Variants in FRMD6 observed in about 807,000 individuals in gnomAD.
The protein encoded by FRMD6 is FERM domain containing 6.
Under a neutral mutation model 73.2 loss-of-function variants are expected in FRMD6, and 37 were observed. That is an observed-to-expected ratio of 0.51 (90% CI 0.39 to 0.66). The LOEUF is 0.66. Ranked by LOEUF, FRMD6 falls within the 30% of genes least tolerant of loss-of-function variation. The pLI, the probability that FRMD6 is intolerant of heterozygous loss-of-function variation, is 0.00. For synonymous variants in FRMD6, 273 were observed against 282.2 expected, an observed-to-expected ratio of 0.97 and a Z score of 0.33; for missense variants, 714 against 780.5, an observed-to-expected ratio of 0.91 and a Z score of 1.02.
intron 2 of FRMD6, among the ~76,000 whole-genome samples, chr14:51,612,014 G>A (rs12883048): frequency 1.3e-5 from 2 of 152,066 alleles, no homozygotes; most frequent in African/African-American, 4.8e-5. Context: ...TATATCAAAT[G>A]TTAATAATAA....
chr14:51,602,688 A>G (rs1477460204), intron 2 of FRMD6, among the ~76,000 whole-genome samples: 1 of 152,226 alleles, frequency 6.6e-6, no homozygotes, highest in Admixed American at 6.5e-5. Flanking sequence ...CCTTTACAAG[A>G]AAAGCCTGTC....
chr14:51,474,642 G>A, the FRMD6 span, among the ~76,000 whole-genome samples: 1 of 152,166 alleles, frequency 6.6e-6, no homozygotes, highest in Non-Finnish European at 1.5e-5. Context: ...ATTTGGGATG[G>A]CATTGGAGTG....
At position 51,729,094 on chromosome 14, in the gene FRMD6, T is replaced by C. The variant is rs1052665695; in HGVS notation, c.*1065T>C. 1.3e-5 allele frequency: 2 copies of C among 152,324 alleles called. No individual in the cohort carries two copies. Among genetic ancestry groups the C allele is most frequent in the African/African-American group, 4.8e-5 (2 of 41,580 alleles). The allele number at this position is 152,324 out of a possible 1,614,324, so 9.4% of individuals were successfully genotyped here. On this transcript the variant is annotated 3_prime_UTR_variant, in exon 14 of 14. Transcript: ENST00000344768. ...CAGTTGATATATGTAGAGTTCAGAA[T>C]GACTGTTTTCTCATGTGCCTTTGGC...
chr14:51,612,153 G>A (rs1009345243), intron 2 of FRMD6, among the ~76,000 whole-genome samples: 1 of 152,176 alleles, frequency 6.6e-6, no homozygotes, highest in South Asian at 2.1e-4. Context: ...AAATAATATA[G>A]TGCATTTAAT....
At chr14:51,514,702 G>A (rs577377133) in intron 1 of FRMD6, among the ~76,000 whole-genome samples, 1 of 152,050 alleles carries the variant, frequency 6.6e-6, no homozygotes, top group East Asian at 1.9e-4. Context: ...ACAAAAATTA[G>A]CTGGGCATGG....
intron 2 of FRMD6, among the ~76,000 whole-genome samples, chr14:51,623,918 T>C (rs1891024540): frequency 6.6e-6 from 1 of 152,020 alleles, no homozygotes; most frequent in Admixed American, 6.6e-5. Context: ...GGAAATAGAG[T>C]CAAAGAATTT....
In FRMD6 at chr14:51,670,039, A is replaced by T. The variant is rs141957511; in HGVS notation, c.-147+18043A>T. Among the ~76,000 whole-genome samples, 1,346 of 152,236 alleles carry T rather than the reference A, an allele frequency of 8.8e-3. 11 individuals are homozygous for T. The highest frequency in any genetic ancestry group is 0.014 in the Non-Finnish European group (926 of 68,020). On this transcript the variant is annotated intron_variant, in intron 1 of 13. Coordinates refer to ENST00000344768, the MANE Select transcript of FRMD6 (RefSeq NM_001267046.2). Reference sequence around the variant, plus strand: ...ATTCTGGATTTTTACCGAAAAAAAAAAGTCCCTGGGATTTTTAAAAACTTT... The same window carrying T: ...ATTCTGGATTTTTACCGAAAAAAAATAGTCCCTGGGATTTTTAAAAACTTT...
chr14:51,436,875 T>A, the FRMD6 span: 1 of 794,502 alleles, frequency 1.3e-6, no homozygotes, highest in Non-Finnish European at 2.0e-6. Flanking sequence ...TTAGAAGGTA[T>A]TGATGAAGAA....
intron 1 of FRMD6, among the ~76,000 whole-genome samples, chr14:51,681,800 A>G (rs1353464356): frequency 6.6e-6 from 1 of 152,210 alleles, no homozygotes; most frequent in Non-Finnish European, 1.5e-5. Flanking sequence ...AAATTTATAA[A>G]ATATGCTTCA....
At chr14:51,598,307 C>T (rs145304594) in intron 2 of FRMD6, among the ~76,000 whole-genome samples, 4 of 152,282 alleles carry the variant, frequency 2.6e-5, no homozygotes, top group Non-Finnish European at 5.9e-5. Context: ...AGAAGCACCC[C>T]AAGTGTGATT....
chr14:51,708,125 C>T lies in FRMD6; in HGVS notation c.606C>T (p.Asn202=). The change falls in exon 7 of 14, where the codon AAC becomes AAT. Residue 202 remains asparagine (N), a synonymous_variant. Transcript: ENST00000344768. ...GKDYILKHIP[N]MHKDQFALTA... ...ACTACATCCTGAAGCACATTCCAAA[C>T]ATGCACAAAGATCAGTTTGCACTAA... 6.2e-7 allele frequency: 1 copy of T among 1,613,310 alleles called. No individual in the cohort carries two copies. Among genetic ancestry groups the T allele is most frequent in the Non-Finnish European group, 8.5e-7 (1 of 1,179,484 alleles).
At chr14:51,724,531 G>C (rs1897834742) in intron 12 of FRMD6, among the ~76,000 whole-genome samples, 1 of 152,150 alleles carries the variant, frequency 6.6e-6, no homozygotes, top group Non-Finnish European at 1.5e-5. Flanking sequence ...AGTTTTTAAA[G>C]TGTCTACTTG....
intron 2 of FRMD6, among the ~76,000 whole-genome samples, chr14:51,597,146 T>A (rs1212597986): frequency 1.3e-5 from 2 of 152,236 alleles, no homozygotes; most frequent in Non-Finnish European, 2.9e-5. Context: ...TTATCTAATG[T>A]GTGCCACAGA....
chr14:51,728,152 A>G lies in FRMD6; in HGVS notation c.*123A>G, dbSNP rs1898089151. The G allele has an allele frequency of 5.7e-6, 5 of 875,876 alleles. No homozygotes were observed. The Admixed American group carries it at 1.5e-4, about 26-fold the overall frequency. The allele number at this position is 875,876 out of a possible 1,614,324, so 54.3% of individuals were successfully genotyped here. ...CCCTAAACATAGCTCTTTCTTTATA[A>G]TATTTGTGATGATGGAAACAAAAGC... On this transcript the variant is annotated 3_prime_UTR_variant, in exon 14 of 14. Transcript: ENST00000344768.
the FRMD6 span, among the ~76,000 whole-genome samples, chr14:51,442,306 C>T: frequency 6.6e-6 from 1 of 152,136 alleles, no homozygotes; most frequent in East Asian, 1.9e-4. Flanking sequence ...CTCCTCCTTT[C>T]TCTTTCTCTT....
At chr14:51,569,975 T>G (rs143017336) in intron 1 of FRMD6, among the ~76,000 whole-genome samples, 104 of 151,858 alleles carry the variant, frequency 6.8e-4, no homozygotes, top group African/African-American at 2.3e-3. Context: ...GCCACCACAC[T>G]CGGCTAATTT....
chr14:51,546,399 TTTTTTTTC>T (rs1466841977), intron 1 of FRMD6, among the ~76,000 whole-genome samples: 5 of 138,272 alleles, frequency 3.6e-5, no homozygotes, highest in Admixed American at 2.9e-4. Context: ...AGAAACTCTT[TTTTTTTTC>T]TTTTTTTAAA....
rs887371469 is a variant in FRMD6 at position 51,634,611 on chromosome 14, GA to G, written c.-146-55070del. The stretch of plus-strand genomic sequence containing the variant: ...TCATTTACCAATGTCTATAAAAAAG[GA>G]AAAAAAAAAGATAAATTTACTAAAA... On this transcript the variant is annotated intron_variant, in intron 2 of 14. Transcript: ENST00000356218. Among the ~76,000 whole-genome samples, 179 of 146,844 alleles carry G rather than the reference GA, an allele frequency of 1.2e-3. 2 individuals are homozygous for G. Among genetic ancestry groups the G allele is most frequent in the Admixed American group, 1.6e-3 (24 of 14,822 alleles).
At chr14:51,546,600 A>AAAC (rs1197245814) in intron 1 of FRMD6, 6 of 151,400 alleles carry the variant, frequency 4.0e-5, no homozygotes, top group African/African-American at 1.5e-4. Context: ...AAAAAAAAAA[A>AAAC]AAAAAACCTG....
Sources: allele counts gnomAD v4.1 joint callset (sites outside exome capture counted in the v4.1 genomes callset), GRCh38; gene constraint gnomAD v4.1.1; transcripts MANE v1.5; gene names NCBI Gene and HGNC (gene_info 2026-07-23, HGNC 2026-07-21).